KCTD18: variants seen among roughly 807,000 people sequenced by gnomAD.
KCTD18 encodes the protein potassium channel tetramerization domain containing 18, also known as BTB/POZ domain-containing protein KCTD18.
KCTD18 carries 22 observed loss-of-function variants against 30.4 expected under a neutral mutation model. That is an observed-to-expected ratio of 0.72 (90% confidence interval 0.52 to 1.03). The LOEUF (loss-of-function observed/expected upper bound fraction) is 1.03, where lower values mean the gene tolerates loss of function less well. KCTD18 is among the 50% of genes least tolerant of loss of function. The pLI is 0.00. For synonymous variants in KCTD18, 186 were observed against 209.0 expected (o/e 0.89, Z 0.95); for missense variants, 529 against 547.6 (o/e 0.97, Z 0.34).
In KCTD18 at chr2:200,506,921, G is replaced by C; in HGVS notation, c.96C>G (p.Arg32=). ...IYTARRESLC[R]FKDSMLASMF... is the part of the protein sequence containing the mutation. Reference sequence around the variant, plus strand: ...TAGATGCCAACATGGAGTCCTTGAAGCGGCACAAGGACTCCCGCCGGGCTG... The same window carrying C: ...TAGATGCCAACATGGAGTCCTTGAACCGGCACAAGGACTCCCGCCGGGCTG... The change falls in exon 2 of 7, where the codon CGC becomes CGG. Residue 32 remains arginine, a synonymous_variant. Transcript: ENST00000359878. The C allele has an allele frequency of 6.2e-7, 1 of 1,613,744 alleles. No individual in the cohort carries two copies. Among genetic ancestry groups the C allele is most frequent in the African/African-American group, 1.3e-5 (1 of 75,020 alleles).
intron 5 of KCTD18, chr2:200,497,096 C>T (rs1435953362): frequency 6.6e-6 from 1 of 152,186 alleles, no homozygotes; most frequent in Non-Finnish European, 1.5e-5. Context: ...CTAACAGACA[C>T]TCAATACATG....
At chr2:200,495,292 C>G (rs1030001807) in intron 5 of KCTD18, among the ~76,000 whole-genome samples, 1 of 152,108 alleles carries the variant, frequency 6.6e-6, no homozygotes, top group Admixed American at 6.5e-5. Context: ...TTTAAAATAA[C>G]TTTAATCGCT....
chr2:200,495,182 G>A (rs2087982033), intron 5 of KCTD18, among the ~76,000 whole-genome samples: 3 of 152,078 alleles, frequency 2.0e-5, no homozygotes, highest in Admixed American at 1.3e-4. Flanking sequence ...AGACTAATAT[G>A]TTTCATTCCA....
In KCTD18 at chr2:200,493,176, T is replaced by G. The variant is rs769849868; in HGVS notation, c.760A>C (p.Lys254Gln). The G allele has an allele frequency of 6.3e-7, 1 of 1,596,040 alleles. No homozygotes were observed. The highest frequency in any genetic ancestry group is 1.3e-5 in the African/African-American group (1 of 74,668). Residue 254 changes from lysine to glutamine, a missense_variant, in exon 6 of 7, where the codon AAG (lysine) becomes CAG (glutamine). Transcript: ENST00000359878. ...GSLRHMAPIR[K>Q]RRLITFNEAD... Reference sequence around the variant, plus strand: ...AAACAACACAGCATAGATAACCTCTTTCGAATTGGAGCCATGTGACGCAGG... The same window carrying G: ...AAACAACACAGCATAGATAACCTCTGTCGAATTGGAGCCATGTGACGCAGG...
intron 5 of KCTD18, among the ~76,000 whole-genome samples, chr2:200,494,376 G>A (rs1288113281): frequency 1.3e-5 from 2 of 152,022 alleles, no homozygotes; most frequent in Non-Finnish European, 1.5e-5. Flanking sequence ...ATTTTTTTTA[G>A]AAAAGAAGCA....
rs2087895499 is a variant in KCTD18 at position 200,490,436 on chromosome 2, T to A, written c.945A>T (p.Gln315His). The A allele has an allele frequency of 6.2e-7, 1 of 1,614,132 alleles. No individual in the cohort carries two copies. Among genetic ancestry groups the A allele is most frequent in the Non-Finnish European group, 8.5e-7 (1 of 1,180,024 alleles). Residue 315 changes from glutamine (Q) to histidine (H), a missense_variant, in exon 7 of 7, where the codon CAA becomes CAT. Physicochemically the swap from Gln to His is conservative, Grantham distance 24. Transcript: ENST00000359878. ...TSAGATANRF[Q>H]SGSRRKAAQR... ...GAGCTGCCTTTCTGCGGCTACCACT[T>A]TGAAACCGGTTTGCTGTCGCCCCAG...
intron 5 of KCTD18, 60 bp downstream of exon 5, chr2:200,497,693 A>T: frequency 9.2e-7 from 1 of 1,089,378 alleles, no homozygotes; most frequent in Non-Finnish European, 1.4e-6. Flanking sequence ...ATTTGAGCTT[A>T]CTTTGTCTTT....
chr2:200,491,493 T>C (rs1194110214), intron 6 of KCTD18, among the ~76,000 whole-genome samples: 2 of 152,226 alleles, frequency 1.3e-5, no homozygotes, highest in Non-Finnish European at 2.9e-5. Context: ...ATATTAAAGA[T>C]TATGAAAGGC....
intron 1 of KCTD18, among the ~76,000 whole-genome samples, chr2:200,508,596 C>T (rs975141736): frequency 6.9e-6 from 1 of 144,466 alleles, no homozygotes; most frequent in Non-Finnish European, 1.5e-5. Flanking sequence ...TTCACTTTTA[C>T]TCAGTGAACA....
chr2:200,500,824 G>A (rs1304043862), intron 3 of KCTD18, among the ~76,000 whole-genome samples: 3 of 152,106 alleles, frequency 2.0e-5, no homozygotes, highest in Admixed American at 6.5e-5. Flanking sequence ...GCATCGCCAA[G>A]TCAATCCTGA....
At chr2:200,502,581 T>C (rs181991974) in intron 3 of KCTD18, among the ~76,000 whole-genome samples, 1 of 152,362 alleles carries the variant, frequency 6.6e-6, no homozygotes, top group Non-Finnish European at 1.5e-5. Context: ...AACCTATTCA[T>C]TCATTCATTT....
At position 200,497,846 on chromosome 2, in the gene KCTD18, C is replaced by G. The variant is rs2088019998; in HGVS notation, c.568G>C (p.Glu190Gln). 6.2e-7 allele frequency: 1 copy of G among 1,603,006 alleles called. No homozygotes were observed. Among genetic ancestry groups the G allele is most frequent in the Admixed American group, 1.7e-5 (1 of 59,924 alleles). Residue 190 changes from glutamate to glutamine, a missense_variant and splice_region_variant, in exon 5 of 7, where the codon GAG becomes CAG. By Grantham distance (29) the Glu-to-Gln change is conservative (BLOSUM62 2). Coordinates refer to ENST00000359878, the MANE Select transcript of KCTD18 (RefSeq NM_152387.4). ...RIHSKGIFKR[E>Q]AGNNVQYIWS... is the part of the protein sequence containing the mutation. ...ATGTACTGAACATTATTTCCCGCCT[C>G]TCTAGAAATATTGCAAAGAGTAATG...
At chr2:200,492,301 G>A (rs189202800) in intron 6 of KCTD18, among the ~76,000 whole-genome samples, 1 of 152,196 alleles carries the variant, frequency 6.6e-6, no homozygotes, top group Non-Finnish European at 1.5e-5. Flanking sequence ...ACCCCACAGT[G>A]TGTCAACTAA....
At chr2:200,507,514 G>A (rs2030266414) in intron 1 of KCTD18, among the ~76,000 whole-genome samples, 1 of 152,132 alleles carries the variant, frequency 6.6e-6, no homozygotes, top group African/African-American at 2.4e-5. Flanking sequence ...TAGGATCTTG[G>A]GCAAATTACT....
Position 200,490,507 on chromosome 2 carries a change from A to T in KCTD18, c.874T>A (p.Ser292Thr). Reference sequence around the variant, plus strand: ...GCTGGAGACACCGTGACTGAGGCCGAGTTCTTGACTTTAATTTGGGTACTT... The same window carrying T: ...GCTGGAGACACCGTGACTGAGGCCGTGTTCTTGACTTTAATTTGGGTACTT... ...STSTQIKVKNSASVTVSPASA... is the reference protein window; with the variant it reads ...STSTQIKVKNTASVTVSPASA... The change falls in exon 7 of 7, where the codon TCG becomes ACG. Residue 292 changes from serine (S) to threonine (T), a missense_variant. Ser to Thr is a moderately conservative substitution (Grantham distance 58). Transcript: ENST00000359878. 1 of 1,609,246 alleles carries T rather than the reference A, an allele frequency of 6.2e-7. No individual in the cohort carries two copies. The highest frequency in any genetic ancestry group is 8.5e-7 in the Non-Finnish European group (1 of 1,180,008).
At chr2:200,498,338 A>T (rs1374121765) in intron 4 of KCTD18, among the ~76,000 whole-genome samples, 1 of 152,212 alleles carries the variant, frequency 6.6e-6, no homozygotes, top group East Asian at 1.9e-4. Context: ...CTGCCAGAGA[A>T]TTTTTTTAAA....
intron 1 of KCTD18, among the ~76,000 whole-genome samples, chr2:200,507,442 A>G (rs1353891202): frequency 6.6e-6 from 1 of 152,228 alleles, no homozygotes; most frequent in Non-Finnish European, 1.5e-5. Flanking sequence ...GGGAGCCTCT[A>G]GACTGCAGAG....
rs2087866397 is a variant in KCTD18, at chr2:200,489,096, T to C, written c.*1004A>G. On this transcript the variant is annotated 3_prime_UTR_variant, in exon 7 of 7. Transcript: ENST00000359878. ...TGTTTTATGAGCTTATTTTTTAACA[T>C]AGTGAAGGCATACTCTCACTGAAAG... is the stretch of plus-strand genomic sequence containing the variant. 1 of 152,624 alleles carries C rather than the reference T, an allele frequency of 6.6e-6. No individual in the cohort carries two copies. Among genetic ancestry groups the C allele is most frequent in the Non-Finnish European group, 1.5e-5 (1 of 68,024 alleles). 9.5% of individuals were successfully genotyped at this position (152,624 alleles called of 1,614,324 possible). A position where few individuals can be genotyped will look rare whatever the true frequency, so the allele number is the denominator to read the frequency against.
intron 3 of KCTD18, among the ~76,000 whole-genome samples, chr2:200,500,800 C>T (rs906484886): frequency 6.6e-6 from 1 of 151,772 alleles, no homozygotes; most frequent in East Asian, 1.9e-4. Flanking sequence ...TCATATGGAA[C>T]CAAAAAAGAG....
Sources: gnomAD v4.1 joint callset for allele counts (sites outside exome capture counted in the v4.1 genomes callset) on GRCh38, gnomAD v4.1.1 for gene constraint, MANE v1.5 for transcripts, NCBI Gene and HGNC (gene_info 2026-07-23, HGNC 2026-07-21) for gene names.